Variants in AGMO observed in about 807,000 individuals in gnomAD.
AGMO encodes the protein alkylglycerol monooxygenase, also known as glyceryl-ether monooxygenase.
Under a neutral mutation model 60.2 loss-of-function variants are expected in AGMO, and 75 were observed. The observed-to-expected ratio is 1.25, with a 90% confidence interval of 1.03 to 1.51. The LOEUF (loss-of-function observed/expected upper bound fraction) is 1.51. AGMO is among the 40% of genes most tolerant of loss of function. The probability of loss-of-function intolerance (pLI) is 0.00; values close to 1 mark genes in which losing one functional copy is unlikely to be tolerated. For missense variants in AGMO, 763 were observed against 525.5 expected (o/e 1.45, Z -4.42); for synonymous variants, 261 against 177.1 (o/e 1.47, Z -3.76).
At chr7:15,182,480 T>A in the AGMO span, among the ~76,000 whole-genome samples, 1 of 152,142 alleles carries the variant, frequency 6.6e-6, no homozygotes, top group Non-Finnish European at 1.5e-5. Context: ...CAGTGGCACA[T>A]TCTCAGCTCA....
At chr7:15,367,157 T>C (rs974147312) in intron 10 of AGMO, among the ~76,000 whole-genome samples, 5 of 152,024 alleles carry the variant, frequency 3.3e-5, no homozygotes, top group African/African-American at 1.2e-4. Context: ...AATTTTAGTC[T>C]GGTCTTTTGT....
At chr7:15,134,012 G>A in the AGMO span, among the ~76,000 whole-genome samples, 2 of 152,016 alleles carry the variant, frequency 1.3e-5, no homozygotes, top group African/African-American at 2.4e-5. Flanking sequence ...AAATACCATC[G>A]AGAGTTTGAG....
intron 12 of AGMO, among the ~76,000 whole-genome samples, chr7:15,356,265 G>A (rs992759367): frequency 6.6e-6 from 1 of 151,800 alleles, no homozygotes; most frequent in Non-Finnish European, 1.5e-5. Context: ...AATTTTTATT[G>A]CAGCATTGCA....
chr7:15,483,372 C>T (rs1327535552), intron 3 of AGMO, among the ~76,000 whole-genome samples: 1 of 151,924 alleles, frequency 6.6e-6, no homozygotes, highest in African/African-American at 2.4e-5. Context: ...TGAGACCATC[C>T]TGGCTAACAC....
At chr7:15,130,137 G>C in the AGMO span, among the ~76,000 whole-genome samples, 3 of 151,924 alleles carry the variant, frequency 2.0e-5, no homozygotes, top group Non-Finnish European at 4.4e-5. Flanking sequence ...TTTTATTATA[G>C]TTAGCATAAA....
chr7:15,304,552 A>G lies in AGMO; in HGVS notation c.1263+60962T>C, dbSNP rs140818023. Among the ~76,000 whole-genome samples, 1,452 of 152,178 alleles carry G rather than the reference A, an allele frequency of 9.5e-3. 26 individuals are homozygous for G. Among genetic ancestry groups the G allele is most frequent in the African/African-American group, 0.034 (1,413 of 41,516 alleles). ...AGAAATATAAGGAAGATAAAGTGGA[A>G]AGATTTGGGTTTGTCAAGTTATTTG... On this transcript the variant is annotated intron_variant, in intron 12 of 12. Coordinates refer to ENST00000342526, the MANE Select transcript of AGMO (RefSeq NM_001004320.2).
intron 5 of AGMO, among the ~76,000 whole-genome samples, chr7:15,397,585 CTTCT>C (rs931045037): frequency 1.3e-5 from 2 of 152,180 alleles, no homozygotes; most frequent in African/African-American, 2.4e-5. Context: ...TTCCTCCTTC[CTTCT>C]TTCTTCATTC....
chr7:15,192,897 A>T, the AGMO span, among the ~76,000 whole-genome samples: 1 of 152,138 alleles, frequency 6.6e-6, no homozygotes, highest in Non-Finnish European at 1.5e-5. Context: ...GCAAATTTTT[A>T]AAAAACCTTC....
chr7:15,302,873 A>T (rs1481582791), intron 12 of AGMO, among the ~76,000 whole-genome samples: 1 of 152,144 alleles, frequency 6.6e-6, no homozygotes, highest in Admixed American at 6.6e-5. Context: ...TACTGAGAGT[A>T]ATAATTTCTG....
chr7:15,476,025 G>A (rs1282246309), intron 3 of AGMO, among the ~76,000 whole-genome samples: 2 of 152,050 alleles, frequency 1.3e-5, no homozygotes, highest in African/African-American at 4.8e-5. Flanking sequence ...GATAGATGCT[G>A]GGTCTGGTTT....
chr7:15,391,798 G>T (rs1290642191), intron 6 of AGMO, among the ~76,000 whole-genome samples: 1 of 152,078 alleles, frequency 6.6e-6, no homozygotes, highest in African/African-American at 2.4e-5. Flanking sequence ...AGGAACATTT[G>T]GCAATTTCTG....
chr7:15,440,270 G>A (rs903709344), intron 3 of AGMO, among the ~76,000 whole-genome samples: 2 of 152,150 alleles, frequency 1.3e-5, no homozygotes, highest in Non-Finnish European at 2.9e-5. Context: ...TTGAGAAAAG[G>A]TGCTTCAAAT....
Position 15,201,338 on chromosome 7 carries a change from C to T in AGMO, c.1285G>A (p.Ala429Thr). 6.2e-7 allele frequency: 1 copy of T among 1,609,878 alleles called. No individual in the cohort carries two copies. Among genetic ancestry groups the T allele is most frequent in the South Asian group, 1.1e-5 (1 of 90,554 alleles). The change falls in exon 13 of 13, where the codon GCT becomes ACT. Residue 429 changes from alanine (A) to threonine (T), a missense_variant. Physicochemically the swap from Ala to Thr is moderately conservative, Grantham distance 58. Transcript: ENST00000342526. ...TTCATGCTTCTAACTCCCCAGAAAGCAATGCAAATGGAAAAAACAATCTGA... is the reference window on the plus strand; with the variant it reads ...TTCATGCTTCTAACTCCCCAGAAAGTAATGCAAATGGAAAAAACAATCTGA... ...AFEIVFSICI[A>T]FWGVRSMKQL...
Position 15,216,835 on chromosome 7 carries a change from T to C in AGMO, c.1264-15476A>G, listed in dbSNP as rs112829992. ...GCAAGAAACAAAGTGAAAGAAAAAG[T>C]GTGTGTGTGTGTGTGTGTGTGTGTG... On this transcript the variant is annotated intron_variant, in intron 12 of 12. Coordinates refer to ENST00000342526, the MANE Select transcript of AGMO (RefSeq NM_001004320.2). Among the ~76,000 whole-genome samples the C allele has an allele frequency of 9.8e-4, 134 of 136,766 alleles. 1 individual carries two copies. Among genetic ancestry groups the C allele is most frequent in the African/African-American group, 4.4e-3 (126 of 28,562 alleles). 89.7% of individuals were successfully genotyped at this position (136,766 alleles called of 152,430 possible).
At chr7:15,140,241 CTTAGGAGTCTGAAGGTAT>C in the AGMO span, among the ~76,000 whole-genome samples, 1 of 152,112 alleles carries the variant, frequency 6.6e-6, no homozygotes, top group Admixed American at 6.5e-5. Flanking sequence ...CATATTTTCT[CTTAGGAGTCTGAAGGTAT>C]TGTTATAACA....
intron 5 of AGMO, among the ~76,000 whole-genome samples, chr7:15,413,307 A>G (rs1178993414): frequency 1.3e-5 from 2 of 152,162 alleles, no homozygotes; most frequent in African/African-American, 4.8e-5. Context: ...AGAAAGTAAA[A>G]TCTTATAAAT....
At chr7:15,328,866 C>A (rs1315835197) in intron 12 of AGMO, among the ~76,000 whole-genome samples, 1 of 152,118 alleles carries the variant, frequency 6.6e-6, no homozygotes, top group Admixed American at 6.6e-5. Flanking sequence ...CCCTTTCCAA[C>A]CACAATGATT....
chr7:15,184,015 TA>T, the AGMO span, among the ~76,000 whole-genome samples: 3 of 152,164 alleles, frequency 2.0e-5, no homozygotes, highest in African/African-American at 7.2e-5. Flanking sequence ...AATAAATTGT[TA>T]AAAACAATAT....
At chr7:15,126,793 C>T in the AGMO span, among the ~76,000 whole-genome samples, 1 of 152,134 alleles carries the variant, frequency 6.6e-6, no homozygotes, top group African/African-American at 2.4e-5. Context: ...AATCCTCTTT[C>T]CCCTTGTTTT....
Sources: gnomAD v4.1 joint callset for allele counts (sites outside exome capture counted in the v4.1 genomes callset) on GRCh38, gnomAD v4.1.1 for gene constraint, MANE v1.5 for transcripts, NCBI Gene and HGNC (gene_info 2026-07-23, HGNC 2026-07-21) for gene names.